The following TBCD variants were observed in gnomAD, a reference collection of about 807,000 sequenced individuals.
The protein encoded by TBCD is tubulin-specific chaperone D.
A neutral mutation model predicts 169.3 loss-of-function variants in TBCD; 105 were observed. The observed-to-expected ratio is 0.62, with a 90% CI of 0.53 to 0.73. TBCD has a LOEUF of 0.73. Among genes scored for constraint, TBCD ranks in the 30% least tolerant of loss-of-function variants. The probability of loss-of-function intolerance (pLI) is 0.00; values close to 1 mark genes in which losing one functional copy is unlikely to be tolerated. For missense variants in TBCD, 1,444 were observed against 1,600.1 expected (o/e 0.90, Z 1.66); for synonymous variants, 700 against 643.9 (o/e 1.09, Z -1.32).
intron 34 of TBCD, 43 bp from the exon 35 acceptor site, chr17:82,937,224 GGGCT>G: frequency 6.4e-7 from 1 of 1,572,068 alleles, no homozygotes; most frequent in Non-Finnish European, 8.8e-7. Context: ...GTGCATCCCG[GGGCT>G]GCCTGTGAAA....
In TBCD at chr17:82,925,557, C is replaced by T. The variant is rs371893877; in HGVS notation, c.2379+500C>T. 1.8e-4 allele frequency among the ~76,000 whole-genome samples: 28 copies of T among 152,232 alleles called. No individual in the cohort carries two copies. In the East Asian group the frequency reaches 4.3e-3, roughly 23 times the overall value. On this transcript the variant is annotated intron_variant, in intron 27 of 38. Coordinates refer to ENST00000355528, the MANE Select transcript of TBCD (RefSeq NM_005993.5). ...AACTCCTGCTTGTCTCCCCTCCGGC[C>T]ACCTGGCGTCTGAAGCTGGAATAGG... is the stretch of plus-strand genomic sequence containing the variant.
chr17:82,812,103 AG>A (rs1243624496), intron 12 of TBCD, among the ~76,000 whole-genome samples: 1 of 151,992 alleles, frequency 6.6e-6, no homozygotes, highest in Admixed American at 6.5e-5. Flanking sequence ...CCCTGGACCT[AG>A]GAAGTAGCGC....
rs544254514 is a variant in TBCD at position 82,926,168 on chromosome 17, G to A, written c.2380-232G>A. Among the ~76,000 whole-genome samples, 9 of 143,240 alleles carry A rather than the reference G, an allele frequency of 6.3e-5. No individual in the cohort carries two copies. In the South Asian group the frequency reaches 9.2e-4, roughly 15 times the overall value. The allele number at this position is 143,240 out of a possible 152,430, so 94.0% of individuals were successfully genotyped here. ...GAGAGGCTGGAGGTGACTCCTCCCC[G>A]GGTGTCCTTCCTGGGTTGTACTGGG... On this transcript the variant is annotated intron_variant, in intron 27 of 38. Transcript: ENST00000355528.
intron 13 of TBCD, among the ~76,000 whole-genome samples, chr17:82,827,754 C>T (rs1280908180): frequency 6.6e-6 from 1 of 152,114 alleles, no homozygotes; most frequent in South Asian, 2.1e-4. Context: ...CACACCCGTA[C>T]AATCGAATGC....
Position 82,874,509 on chromosome 17 carries a change from G to A in TBCD, c.1475+4129G>A, listed in dbSNP as rs2057826626. 6.6e-6 allele frequency among the ~76,000 whole-genome samples: 1 copy of A among 152,136 alleles called. No individual in the cohort carries two copies. Among genetic ancestry groups the A allele is most frequent in the South Asian group, 2.1e-4 (1 of 4,834 alleles). On this transcript the variant is annotated intron_variant, in intron 14 of 38. Transcript: ENST00000355528. The surrounding 1 kb of genome is among the most constrained non-coding windows in gnomAD (Gnocchi z 5.0). ...CAGCTCACAGGCTTCTGACGCCTCA[G>A]CCTGGAGCTGGCGTTGTGCCCCTCG... is the stretch of plus-strand genomic sequence containing the variant.
At chr17:82,797,959 G>GA (rs1192130330) in intron 8 of TBCD, among the ~76,000 whole-genome samples, 157 bp downstream of exon 8, 3 of 83,252 alleles carry the variant, frequency 3.6e-5, no homozygotes, top group African/African-American at 1.2e-4. Context: ...TTTAGTAACT[G>GA]AACTTTTTTT....
chr17:82,757,019 T>G (rs1450601262), intron 2 of TBCD, among the ~76,000 whole-genome samples: 1 of 152,196 alleles, frequency 6.6e-6, no homozygotes, highest in Non-Finnish European at 1.5e-5. Context: ...TTTTGATGTA[T>G]TTCACACTGA....
rs1186401438 is a variant in TBCD, at chr17:82,890,643, G to A, written c.1563+946G>A. 6.6e-6 allele frequency among the ~76,000 whole-genome samples: 1 copy of A among 152,144 alleles called. No individual in the cohort carries two copies. Among genetic ancestry groups the A allele is most frequent in the African/African-American group, 2.4e-5 (1 of 41,426 alleles). ...GGAGCCTGGCGTGAGTGGTGTGGGC[G>A]GCTTTCTGTAGACGGAGCCCAGGAA... On this transcript the variant is annotated intron_variant, in intron 16 of 38. Coordinates refer to ENST00000355528, the MANE Select transcript of TBCD (RefSeq NM_005993.5). This position sits in a 1 kb window ranked among gnomAD's most constrained non-coding sequence, Gnocchi z 5.3.
chr17:82,829,247 G>A (rs1260457866), intron 13 of TBCD, among the ~76,000 whole-genome samples: 2 of 149,928 alleles, frequency 1.3e-5, no homozygotes, highest in Admixed American at 6.7e-5. Flanking sequence ...CTGCAGACAT[G>A]CACAAGCAGA....
intron 15 of TBCD, chr17:82,886,161 C>A (rs1301008296): frequency 3.3e-5 from 5 of 152,234 alleles, no homozygotes; most frequent in African/African-American, 1.2e-4. Context: ...CCTGGTGCTC[C>A]CATGTCAAGA....
At chr17:82,819,083 A>G (rs1464251590) in intron 13 of TBCD, among the ~76,000 whole-genome samples, 6 of 152,208 alleles carry the variant, frequency 3.9e-5, no homozygotes, top group Non-Finnish European at 5.9e-5. Flanking sequence ...AAGCGCGAAA[A>G]CAAATGCTTG....
intron 21 of TBCD, chr17:82,908,437 G>A: frequency 2.2e-6 from 1 of 455,780 alleles, no homozygotes; most frequent in Non-Finnish European, 4.4e-6. Flanking sequence ...GTGACCCAGA[G>A]GTAAAGTATG....
intron 14 of TBCD, among the ~76,000 whole-genome samples, chr17:82,879,394 CT>C (rs1177665506): frequency 2.0e-5 from 3 of 152,184 alleles, no homozygotes; most frequent in Admixed American, 2.0e-4. Context: ...TGCCGTGCGT[CT>C]GCCGTCATGC....
chr17:82,785,458 C>T (rs111954469), intron 7 of TBCD, among the ~76,000 whole-genome samples: 1 of 7,778 alleles, frequency 1.3e-4, no homozygotes, highest in Admixed American at 8.2e-4. Context: ...CCACTGGACC[C>T]GACCCATCGC....
In TBCD at chr17:82,752,121, C is replaced by T. The variant is rs1254763158; in HGVS notation, c.-73C>T. The T allele has an allele frequency of 2.1e-6, 3 of 1,403,934 alleles. No individual in the cohort carries two copies. The highest frequency in any genetic ancestry group is 1.9e-6 in the Non-Finnish European group (2 of 1,078,910). 87.0% of individuals were successfully genotyped at this position (1,403,934 alleles called of 1,614,324 possible). On this transcript the variant is annotated 5_prime_UTR_variant, in exon 1 of 39. Coordinates refer to ENST00000355528, the MANE Select transcript of TBCD (RefSeq NM_005993.5). The stretch of plus-strand genomic sequence containing the variant: ...TCCTTTTCATCCCTCATCCTTCATC[C>T]CTGGCTTTCGCGCTCTAGCGGAGTG...
At chr17:82,762,961 A>G (rs1443804337) in intron 2 of TBCD, among the ~76,000 whole-genome samples, 1 of 152,130 alleles carries the variant, frequency 6.6e-6, no homozygotes, top group East Asian at 1.9e-4. Context: ...TTTTCCATGT[A>G]TGAAGACTTG....
intron 34 of TBCD, 45 bp from the exon 35 acceptor site, chr17:82,937,226 G>A (rs759384144): frequency 1.2e-5 from 19 of 1,574,902 alleles, no homozygotes; most frequent in African/African-American, 4.1e-5. Context: ...GCATCCCGGG[G>A]CTGCCTGTGA....
chr17:82,801,710 C>G (rs796934557), intron 9 of TBCD, among the ~76,000 whole-genome samples: 1 of 82,546 alleles, frequency 1.2e-5, no homozygotes, highest in Non-Finnish European at 2.3e-5. Flanking sequence ...TTGTGTGGCT[C>G]GGAGTCAGCG....
At position 82,927,277 on chromosome 17, in the gene TBCD, T is replaced by G. The variant is rs1378038149; in HGVS notation, c.2563T>G (p.Cys855Gly). The change falls in exon 29 of 39, where the codon TGC becomes GGC. Residue 855 changes from cysteine to glycine, a missense_variant. Transcript: ENST00000355528. The stretch of plus-strand genomic sequence containing the variant: ...CCAGATTTACTGTGCGCTGCTGGGC[T>G]GCATGGACGACTACACCACGGACAG... The part of the protein sequence containing the change: ...VSQIYCALLG[C>G]MDDYTTDSRG... 3.7e-6 allele frequency: 6 copies of G among 1,614,018 alleles called. No individual in the cohort carries two copies. The East Asian group carries it at 8.9e-5, about 24-fold the overall frequency.
Sources: gnomAD v4.1 joint callset for allele counts (sites outside exome capture counted in the v4.1 genomes callset) on GRCh38, gnomAD v4.1.1 for gene constraint, Gnocchi (gnomAD v3.1) non-coding constraint, MANE v1.5 for transcripts, NCBI Gene and HGNC (gene_info 2026-07-23, HGNC 2026-07-21) for gene names.